CUBN: variants seen among roughly 807,000 people sequenced by gnomAD.
The protein encoded by CUBN is cubilin.
A neutral mutation model predicts 405.3 loss-of-function variants in CUBN; 282 were observed. The ratio of observed to expected loss-of-function variants is 0.70; its 90% CI spans 0.63 to 0.77. The LOEUF (loss-of-function observed/expected upper bound fraction) is 0.77, where lower values mean the gene tolerates loss of function less well. Among genes scored for constraint, CUBN ranks in the 30% least tolerant of loss-of-function variants. The probability of loss-of-function intolerance (pLI) is 0.00; values close to 1 mark genes in which losing one functional copy is unlikely to be tolerated. For missense variants in CUBN, 4,514 were observed against 4,475.2 expected (o/e 1.01, Z -0.25); for synonymous variants, 1,684 against 1,617.0 (o/e 1.04, Z -0.99).
intron 56 of CUBN, 50 bp downstream of exon 56, chr10:16,888,365 TAC>T: frequency 1.4e-6 from 2 of 1,418,340 alleles, no homozygotes; most frequent in Non-Finnish European, 9.9e-7. Flanking sequence ...ACCATAAATA[TAC>T]AATTTTTGTT....
intron 12 of CUBN, 87 bp from the exon 13 acceptor site, chr10:17,103,324 G>T: frequency 1.3e-6 from 1 of 798,814 alleles, no homozygotes; most frequent in Non-Finnish European, 2.2e-6. Context: ...GATAAACTTA[G>T]AGAAAATTTG....
Position 16,950,118 on chromosome 10 carries a change from G to T in CUBN, c.4970-7C>A, listed in dbSNP as rs774396442. ...GAGAGGGTGATATGATTTACTGGAA[G>T]AAAAAAGAGAAGACTCTCTCGTAAA... On this transcript the variant is annotated splice_region_variant and splice_polypyrimidine_tract_variant and intron_variant, in intron 33 of 66. Coordinates refer to ENST00000377833, the MANE Select transcript of CUBN (RefSeq NM_001081.4). The T allele has an allele frequency of 6.3e-7, 1 of 1,597,134 alleles. No homozygotes were observed. Among genetic ancestry groups the T allele is most frequent in the South Asian group, 1.1e-5 (1 of 90,520 alleles).
At chr10:16,933,720 T>A (rs1362622774) in intron 39 of CUBN, among the ~76,000 whole-genome samples, 1 of 152,200 alleles carries the variant, frequency 6.6e-6, no homozygotes, top group Non-Finnish European at 1.5e-5. Flanking sequence ...GGTCTATTTT[T>A]GGGCATGTGC....
intron 17 of CUBN, among the ~76,000 whole-genome samples, chr10:17,078,958 A>T (rs951546521): frequency 4.6e-5 from 7 of 151,978 alleles, no homozygotes; most frequent in Admixed American, 4.6e-4. Context: ...TGAGCATGCA[A>T]CTCCTTCAAA....
intron 49 of CUBN, among the ~76,000 whole-genome samples, chr10:16,906,812 ACATTAATTTGC>A (rs1442782945): frequency 1.3e-5 from 2 of 152,220 alleles, no homozygotes; most frequent in Admixed American, 6.5e-5. Context: ...AGATAATAGG[ACATTAATTTGC>A]CATTAATTTG....
chr10:16,854,308 AT>A (rs1443191461), intron 59 of CUBN, among the ~76,000 whole-genome samples: 8 of 152,220 alleles, frequency 5.3e-5, no homozygotes, highest in African/African-American at 1.9e-4. Flanking sequence ...GAGAATTAGG[AT>A]TGGGAAAACA....
chr10:16,846,766 C>T (rs1357499068), intron 60 of CUBN, among the ~76,000 whole-genome samples: 3 of 148,044 alleles, frequency 2.0e-5, no homozygotes, highest in African/African-American at 7.4e-5. Context: ...AAGCCAATAT[C>T]ACACCATTGC....
At position 16,842,231 on chromosome 10, in the gene CUBN, A is replaced by G. The variant is rs146562350; in HGVS notation, c.9664-1184T>C. On this transcript the variant is annotated intron_variant, in intron 60 of 66. Transcript: ENST00000377833. ...AGCTAATTAAAAAAAATTTTTAGAG[A>G]TGGGGTCTTCCTATGTTGTCCAGGC... Among the ~76,000 whole-genome samples, 129 of 151,884 alleles carry G rather than the reference A, an allele frequency of 8.5e-4. 1 individual carries two copies. The highest frequency in any genetic ancestry group is 2.9e-3 in the African/African-American group (122 of 41,430).
At chr10:17,069,240 T>A (rs11254355) in intron 19 of CUBN, among the ~76,000 whole-genome samples, 64,305 of 152,104 alleles carry the variant, frequency 0.42, 16,243 homozygotes, top group East Asian at 0.67. Flanking sequence ...TTAAAAATAA[T>A]GATTGCATTT....
chr10:17,012,738 T>C lies in CUBN; in HGVS notation c.4168+7095A>G, dbSNP rs541839458. ...GCTCCTTCCTGATTCTGTAAGTACTTTAAGATTTGGCTGAGTGAAAACAAC... is the reference window on the plus strand; with the variant it reads ...GCTCCTTCCTGATTCTGTAAGTACTCTAAGATTTGGCTGAGTGAAAACAAC... On this transcript the variant is annotated intron_variant, in intron 28 of 66. Coordinates refer to ENST00000377833, the MANE Select transcript of CUBN (RefSeq NM_001081.4). 5.3e-5 allele frequency among the ~76,000 whole-genome samples: 8 copies of C among 152,314 alleles called. No individual in the cohort carries two copies. In the East Asian group the frequency reaches 1.5e-3, roughly 29 times the overall value.
Position 16,825,006 on chromosome 10 carries a change from G to C in CUBN, c.10841C>G (p.Pro3614Arg). 6.2e-7 allele frequency: 1 copy of C among 1,613,796 alleles called. No homozygotes were observed. Among genetic ancestry groups the C allele is most frequent in the South Asian group, 1.1e-5 (1 of 91,054 alleles). ...IKFHADYARR[P>R]SAFRLTWDS Reference sequence around the variant, plus strand: ...GTCCCAAGTTAATCGGAATGCGGATGGACGCCGTGCATAATCAGCATGAAA... The same window carrying C: ...GTCCCAAGTTAATCGGAATGCGGATCGACGCCGTGCATAATCAGCATGAAA... Residue 3614 changes from proline to arginine, a missense_variant, in exon 67 of 67, where the codon CCA becomes CGA. Physicochemically the swap from Pro to Arg is moderately radical, Grantham distance 103. Around this residue, in one of 5 missense-constraint regions of CUBN, gnomAD observed 1,186 missense variants for 1,186.9 expected, o/e 1.00. Coordinates refer to ENST00000377833, the MANE Select transcript of CUBN (RefSeq NM_001081.4).
At position 17,047,519 on chromosome 10, in the gene CUBN, A is replaced by C; in HGVS notation, c.3224T>G (p.Ile1075Ser). The C allele has an allele frequency of 6.2e-7, 1 of 1,613,986 alleles. No homozygotes were observed. The highest frequency in any genetic ancestry group is 1.1e-5 in the South Asian group (1 of 91,076). ...PNNYPNNWEC[I>S]YRITVRTGQL... is the part of the protein sequence containing the mutation. ...GCCAGTTCTCACTGTGATCCGATAAATGCATTCCCAGTTGTTGGGATAATT... is the reference window on the plus strand; with the variant it reads ...GCCAGTTCTCACTGTGATCCGATAACTGCATTCCCAGTTGTTGGGATAATT... The change falls in exon 23 of 67, where the codon ATT becomes AGT. Residue 1075 changes from isoleucine to serine, a missense_variant. By Grantham distance (142) the Ile-to-Ser change is moderately radical (BLOSUM62 -2). Around this residue, in one of 5 missense-constraint regions of CUBN, gnomAD observed 1,448 missense variants for 1,388.0 expected, o/e 1.04. Transcript: ENST00000377833.
chr10:16,902,175 GTATA>G (rs1277395512), intron 51 of CUBN, among the ~76,000 whole-genome samples: 1 of 126,728 alleles, frequency 7.9e-6, no homozygotes. Context: ...ACTATATATA[GTATA>G]TATATTTGTA....
rs79584870 is a variant in CUBN, at chr10:16,945,156, A to G, written c.5342+2079T>C. On this transcript the variant is annotated intron_variant, in intron 36 of 66. Coordinates refer to ENST00000377833, the MANE Select transcript of CUBN (RefSeq NM_001081.4). ...CTCAGTTCCTGGCAACCACTGAATG[A>G]GAGCAGTCAACAATGTGAATGTGGT... 1.1e-4 allele frequency among the ~76,000 whole-genome samples: 17 copies of G among 152,310 alleles called. No homozygotes were observed. In the East Asian group the frequency reaches 3.1e-3, roughly 28 times the overall value.
intron 28 of CUBN, among the ~76,000 whole-genome samples, chr10:17,009,943 T>C (rs1834134688): frequency 6.6e-6 from 1 of 152,226 alleles, no homozygotes; most frequent in African/African-American, 2.4e-5. Flanking sequence ...CTCCAGTCTC[T>C]AGGGATACTG....
Position 17,043,863 on chromosome 10 carries a change from G to C in CUBN, c.3793C>G (p.Gln1265Glu). 6.2e-7 allele frequency: 1 copy of C among 1,613,502 alleles called. No individual in the cohort carries two copies. Among genetic ancestry groups the C allele is most frequent in the Non-Finnish European group, 8.5e-7 (1 of 1,179,664 alleles). The change falls in exon 26 of 67, where the codon CAG becomes GAG. Residue 1265 changes from glutamine to glutamate, a missense_variant. Around this residue, in one of 5 missense-constraint regions of CUBN, gnomAD observed 242 missense variants for 309.0 expected, o/e 0.78. Transcript: ENST00000377833. ...TCAGCCTTGAAGCCACGTCCTTGCT[G>C]ACCTTCATCTGTCCTCAGTTTTATA... ...MFIKLRTDEGQQGRGFKAEYR... is the reference protein window; with the variant it reads ...MFIKLRTDEGEQGRGFKAEYR...
At chr10:16,876,490 T>C (rs1840505453) in intron 57 of CUBN, among the ~76,000 whole-genome samples, 1 of 152,220 alleles carries the variant, frequency 6.6e-6, no homozygotes, top group Admixed American at 6.5e-5. Flanking sequence ...TGTAAAGACA[T>C]TCTCTTATAT....
chr10:17,002,997 T>A (rs537338870), intron 28 of CUBN, among the ~76,000 whole-genome samples: 2 of 152,050 alleles, frequency 1.3e-5, no homozygotes, highest in African/African-American at 4.8e-5. Flanking sequence ...TTTAAGAGTA[T>A]CACAAAGACA....
In CUBN at chr10:17,100,156, A is replaced by T. The variant is rs775259479; in HGVS notation, c.1614T>A (p.Asp538Glu). Residue 538 changes from aspartate (D) to glutamate (E), a missense_variant, in exon 14 of 67, where the codon GAT becomes GAA. Asp to Glu is a conservative substitution (Grantham distance 45). Coordinates refer to ENST00000377833, the MANE Select transcript of CUBN (RefSeq NM_001081.4). ...TTCCAAGTTGAAAAGCAGAAGAGGA[A>T]TCTCCATCATAAACCTGAAGAAACT... ...PHEFLQVYDG[D>E]SSSAFQLGRF... 6.2e-7 allele frequency: 1 copy of T among 1,614,002 alleles called. No homozygotes were observed. Among genetic ancestry groups the T allele is most frequent in the Non-Finnish European group, 8.5e-7 (1 of 1,179,880 alleles).
Sources: allele counts gnomAD v4.1 joint callset (sites outside exome capture counted in the v4.1 genomes callset), GRCh38; gene constraint gnomAD v4.1.1; regional missense constraint gnomAD v4.1.1; transcripts MANE v1.5; gene names NCBI Gene and HGNC (gene_info 2026-07-23, HGNC 2026-07-21).